The following GRID2 variants were observed in gnomAD, a reference collection of about 807,000 sequenced individuals.
GRID2 encodes glutamate ionotropic receptor delta type subunit 2.
Under a neutral mutation model 114.8 loss-of-function variants are expected in GRID2, and 33 were observed. That is an observed-to-expected ratio of 0.29 (90% CI 0.22 to 0.38). The LOEUF (loss-of-function observed/expected upper bound fraction) is 0.38. Ranked by LOEUF, GRID2 falls within the 10% of genes least tolerant of loss-of-function variation. The pLI, the probability that GRID2 is intolerant of heterozygous loss-of-function variation, is 1.00. For missense variants in GRID2, 1,184 were observed against 1,257.7 expected, an observed-to-expected ratio of 0.94 and a Z score of 0.89; for synonymous variants, 505 against 449.9, an observed-to-expected ratio of 1.12 and a Z score of -1.55.
chr4:93,503,339 T>C (rs966282625), intron 12 of GRID2, among the ~76,000 whole-genome samples: 6 of 152,106 alleles, frequency 3.9e-5, no homozygotes, highest in African/African-American at 1.4e-4. Flanking sequence ...TATTTTATTA[T>C]TATACTTTAA....
At chr4:92,321,377 A>G (rs1726306878) in intron 1 of GRID2, among the ~76,000 whole-genome samples, 1 of 152,214 alleles carries the variant, frequency 6.6e-6, no homozygotes, top group Admixed American at 6.5e-5. Flanking sequence ...TGTGTGCGCA[A>G]AAACACTGTT....
At chr4:92,411,625 ATGTGTGTG>A (rs751440294) in intron 1 of GRID2, among the ~76,000 whole-genome samples, 6 of 105,680 alleles carry the variant, frequency 5.7e-5, no homozygotes, top group South Asian at 6.3e-4. Context: ...ATATATATGC[ATGTGTGTG>A]TGTGTGTGTG....
chr4:93,381,185 C>A (rs1395477926), intron 8 of GRID2, among the ~76,000 whole-genome samples: 1 of 152,084 alleles, frequency 6.6e-6, no homozygotes, highest in East Asian at 1.9e-4. Flanking sequence ...AAACTCCTTT[C>A]ATCATGCAAA....
At chr4:92,630,627 A>G (rs1326796117) in intron 2 of GRID2, among the ~76,000 whole-genome samples, 2 of 152,126 alleles carry the variant, frequency 1.3e-5, no homozygotes, top group African/African-American at 4.8e-5. Flanking sequence ...AGCTCGCTAA[A>G]TCCTAAACAT....
At chr4:92,607,877 G>T (rs1190035560) in intron 2 of GRID2, among the ~76,000 whole-genome samples, 1 of 151,886 alleles carries the variant, frequency 6.6e-6, no homozygotes, top group Non-Finnish European at 1.5e-5. Flanking sequence ...AAAAATGTGT[G>T]CGTAAACAAT....
At chr4:93,244,206 C>T (rs1747873416) in intron 8 of GRID2, among the ~76,000 whole-genome samples, 1 of 151,924 alleles carries the variant, frequency 6.6e-6, no homozygotes, top group Non-Finnish European at 1.5e-5. Context: ...TGTCTTTGAA[C>T]TTTATCACAA....
chr4:93,343,349 T>C (rs925582223), intron 8 of GRID2, among the ~76,000 whole-genome samples: 3 of 152,114 alleles, frequency 2.0e-5, no homozygotes, highest in South Asian at 2.1e-4. Context: ...AGATGGGGCA[T>C]AGTGTCATAG....
intron 1 of GRID2, among the ~76,000 whole-genome samples, chr4:92,376,011 C>T (rs1729337836): frequency 6.6e-6 from 1 of 151,786 alleles, no homozygotes. Context: ...TCATGTTTCT[C>T]CATAAAAGAA....
chr4:93,031,140 G>C lies in GRID2; in HGVS notation c.245-53855G>C, dbSNP rs1278546626. Among the ~76,000 whole-genome samples, 10 of 149,174 alleles carry C rather than the reference G, an allele frequency of 6.7e-5. No individual in the cohort carries two copies. The Admixed American group carries it at 6.8e-4, about 10-fold the overall frequency. On this transcript the variant is annotated intron_variant, in intron 2 of 15. Transcript: ENST00000282020. ...CAGCCTCGGCAACCTCCACCTTCCA[G>C]GTTCTAGTGATCCTCCTGCCTCTGT...
At chr4:92,813,124 T>G (rs1457550659) in intron 2 of GRID2, among the ~76,000 whole-genome samples, 1 of 152,164 alleles carries the variant, frequency 6.6e-6, no homozygotes, top group Non-Finnish European at 1.5e-5. Context: ...CTATAACTGA[T>G]GTTTACAATA....
At chr4:93,013,686 C>T (rs527482823) in intron 2 of GRID2, among the ~76,000 whole-genome samples, 47 of 151,968 alleles carry the variant, frequency 3.1e-4, no homozygotes, top group African/African-American at 1.1e-3. Context: ...TTGCATATAT[C>T]CTACCTATGT....
chr4:93,205,378 A>C lies in GRID2; in HGVS notation c.736-2026A>C, dbSNP rs186328341. On this transcript the variant is annotated intron_variant, in intron 4 of 15. Transcript: ENST00000282020. ...CGTGTCCATGTGTTCTCATTGTTTA[A>C]TTCCCACCTATGAGTAAGAACATGT... Among the ~76,000 whole-genome samples the C allele has an allele frequency of 9.2e-4, 140 of 152,160 alleles. 2 individuals are homozygous for C. The East Asian group carries it at 0.025, about 27-fold the overall frequency.
chr4:93,553,477 A>T (rs1390963112), intron 13 of GRID2, among the ~76,000 whole-genome samples: 3 of 152,148 alleles, frequency 2.0e-5, no homozygotes, highest in Non-Finnish European at 4.4e-5. Context: ...TTGCTCAATT[A>T]TTCCTCTCAG....
chr4:92,400,259 C>T (rs74921966), intron 1 of GRID2, among the ~76,000 whole-genome samples: 12 of 152,242 alleles, frequency 7.9e-5, no homozygotes, highest in African/African-American at 2.4e-4. Context: ...AGTCACTTCC[C>T]GTTCACCTCT....
intron 1 of GRID2, among the ~76,000 whole-genome samples, chr4:93,803,016 G>A (rs1470493505): frequency 6.6e-6 from 1 of 152,176 alleles, no homozygotes; most frequent in Non-Finnish European, 1.5e-5. Flanking sequence ...GGCCTTGTTT[G>A]AACATAGAAA....
intron 1 of GRID2, among the ~76,000 whole-genome samples, chr4:92,447,511 C>G (rs1012233921): frequency 1.3e-5 from 2 of 152,194 alleles, no homozygotes; most frequent in African/African-American, 2.4e-5. Flanking sequence ...CCACACAGTT[C>G]TATTATTTTC....
intron 8 of GRID2, among the ~76,000 whole-genome samples, chr4:93,274,387 G>A (rs1751825042): frequency 6.6e-6 from 1 of 152,004 alleles, no homozygotes; most frequent in Admixed American, 6.6e-5. Context: ...TGAAAGCTAC[G>A]AGACTGGATT....
chr4:92,638,305 C>G lies in GRID2; in HGVS notation c.244+48019C>G, dbSNP rs988860418. Among the ~76,000 whole-genome samples the G allele has an allele frequency of 2.0e-5, 3 of 151,416 alleles. No homozygotes were observed. The East Asian group carries it at 5.8e-4, about 29-fold the overall frequency. On this transcript the variant is annotated intron_variant, in intron 2 of 15. Transcript: ENST00000282020. ...GAGAACAAACTCTGTAACCAGAAAC[C>G]CAGCTTCCATTGCCCTCTTTAGTAT... is the stretch of plus-strand genomic sequence containing the variant.
In GRID2 at chr4:93,619,505, A is replaced by G. The variant is rs905738824; in HGVS notation, c.2194-6764A>G. Among the ~76,000 whole-genome samples, 10 of 152,356 alleles carry G rather than the reference A, an allele frequency of 6.6e-5. No homozygotes were observed. The South Asian group carries it at 1.7e-3, about 25-fold the overall frequency. The stretch of plus-strand genomic sequence containing the variant: ...TAGTTAAAATTGGAAAGAAGTTTGC[A>G]GCTTAGTGGGCAAGGCTAGAATTTA... On this transcript the variant is annotated intron_variant, in intron 13 of 15. Transcript: ENST00000282020.
Sources: allele counts gnomAD v4.1 joint callset (sites outside exome capture counted in the v4.1 genomes callset), GRCh38; gene constraint gnomAD v4.1.1; transcripts MANE v1.5; gene names NCBI Gene and HGNC (gene_info 2026-07-23, HGNC 2026-07-21).